The following ANKFN1 variants were observed in gnomAD, a reference collection of about 807,000 sequenced individuals.
The protein encoded by ANKFN1 is ankyrin repeat and fibronectin type III domain containing 1, also known as ankyrin repeat and fibronectin type-III domain-containing protein 1.
In ANKFN1, 74 loss-of-function variants were observed where a neutral mutation model predicts 108.7. That is an observed-to-expected ratio of 0.68 (90% confidence interval 0.56 to 0.83). The LOEUF (loss-of-function observed/expected upper bound fraction) is 0.83, where lower values mean the gene tolerates loss of function less well. Ranked by LOEUF, ANKFN1 falls within the 40% of genes least tolerant of loss-of-function variation. The pLI is 0.00. For synonymous variants in ANKFN1, 547 were observed against 516.2 expected, an observed-to-expected ratio of 1.06 and a Z score of -0.81; for missense variants, 1,505 against 1,382.3, an observed-to-expected ratio of 1.09 and a Z score of -1.41.
chr17:56,061,265 C>CCT (rs1904970049), intron 4 of ANKFN1, among the ~76,000 whole-genome samples: 3 of 72,914 alleles, frequency 4.1e-5, no homozygotes, highest in Non-Finnish European at 7.1e-5. Flanking sequence ...GGTAGTTTTT[C>CCT]TTTTTTTTTT....
At chr17:56,352,745 T>C (rs1215354206) in intron 5 of ANKFN1, among the ~76,000 whole-genome samples, 2 of 152,204 alleles carry the variant, frequency 1.3e-5, no homozygotes, top group Non-Finnish European at 2.9e-5. Context: ...ACACTACCAC[T>C]TGGACTCCTC....
At chr17:56,501,193 C>T (rs2051356705) in intron 20 of ANKFN1, among the ~76,000 whole-genome samples, 1 of 152,074 alleles carries the variant, frequency 6.6e-6, no homozygotes, top group African/African-American at 2.4e-5. Flanking sequence ...AAGGGCGGAT[C>T]GTGAGAGACA....
Position 56,229,772 on chromosome 17 carries a change from C to A in ANKFN1, c.53+1815C>A, listed in dbSNP as rs144048873. Among the ~76,000 whole-genome samples the A allele has an allele frequency of 2.5e-3, 369 of 147,718 alleles. 3 individuals carry two copies. Among genetic ancestry groups the A allele is most frequent in the African/African-American group, 6.4e-3 (255 of 40,052 alleles). ...CTTTTCACATTTTTTTTTTCTCAGA[C>A]ACATACAGGGTGCTTAGTGACCTAT... On this transcript the variant is annotated intron_variant, in intron 3 of 20. Coordinates refer to ENST00000682825, the MANE Select transcript of ANKFN1 (RefSeq NM_001370326.1).
chr17:56,270,338 A>G (rs961327147), intron 3 of ANKFN1, among the ~76,000 whole-genome samples: 11 of 152,222 alleles, frequency 7.2e-5, no homozygotes, highest in African/African-American at 2.7e-4. Flanking sequence ...AGCAAGAAAC[A>G]GACAAGGCTG....
At chr17:56,185,516 A>G (rs1199748516) in intron 1 of ANKFN1, among the ~76,000 whole-genome samples, 12 of 152,154 alleles carry the variant, frequency 7.9e-5, no homozygotes, top group Admixed American at 7.9e-4. Flanking sequence ...TGGTTGTTCC[A>G]AAAATGGCCT....
chr17:56,295,541 A>T (rs150355729), intron 3 of ANKFN1, among the ~76,000 whole-genome samples: 2 of 152,176 alleles, frequency 1.3e-5, no homozygotes, highest in Non-Finnish European at 2.9e-5. Context: ...ACACTGATAC[A>T]TGAAAACCAC....
chr17:56,180,962 T>C (rs1301800584), intron 1 of ANKFN1, among the ~76,000 whole-genome samples: 3 of 152,174 alleles, frequency 2.0e-5, no homozygotes, highest in African/African-American at 7.2e-5. Context: ...CTAGGTTCAT[T>C]AACTACAAAA....
chr17:56,293,294 A>T (rs1044962475), intron 3 of ANKFN1, among the ~76,000 whole-genome samples: 1 of 152,182 alleles, frequency 6.6e-6, no homozygotes, highest in African/African-American at 2.4e-5. Context: ...AAACATATTT[A>T]TCCTAATCTT....
chr17:56,467,779 GAAAGAA>G (rs1413087764), intron 15 of ANKFN1, among the ~76,000 whole-genome samples: 1 of 17,454 alleles, frequency 5.7e-5, no homozygotes, highest in African/African-American at 1.5e-4. Context: ...AAGAAAGAAA[GAAAGAA>G]AGAAAGAAGA....
chr17:56,142,581 G>A (rs1907992186), intron 4 of ANKFN1, among the ~76,000 whole-genome samples: 1 of 152,082 alleles, frequency 6.6e-6, no homozygotes, highest in African/African-American at 2.4e-5. Context: ...GGAAAATTCT[G>A]GCTCTAAAGA....
At chr17:56,388,550 T>C (rs959137518) in intron 8 of ANKFN1, among the ~76,000 whole-genome samples, 4 of 152,222 alleles carry the variant, frequency 2.6e-5, no homozygotes, top group Non-Finnish European at 5.9e-5. Context: ...TATATTTCTA[T>C]TTTTAATTGC....
At chr17:56,188,581 G>GTGTTTATATATA in intron 1 of ANKFN1, among the ~76,000 whole-genome samples, 1 of 49,652 alleles carries the variant, frequency 2.0e-5, no homozygotes, top group Admixed American at 2.8e-4. Flanking sequence ...GTGTGTGTGT[G>GTGTTTATATATA]TATATATATA....
chr17:56,080,143 G>A (rs958358368), intron 4 of ANKFN1, among the ~76,000 whole-genome samples: 1 of 152,146 alleles, frequency 6.6e-6, no homozygotes, highest in Admixed American at 6.5e-5. Flanking sequence ...ATGTTGATAT[G>A]GAAATGAGGG....
At chr17:56,132,827 C>T (rs1405466047) in intron 4 of ANKFN1, among the ~76,000 whole-genome samples, 1 of 152,002 alleles carries the variant, frequency 6.6e-6, no homozygotes, top group Non-Finnish European at 1.5e-5. Context: ...GGGCACTAAT[C>T]CTATGCATGA....
chr17:56,381,167 C>G (rs763366806), intron 8 of ANKFN1, among the ~76,000 whole-genome samples: 2 of 152,180 alleles, frequency 1.3e-5, no homozygotes, highest in Non-Finnish European at 2.9e-5. Context: ...TGCTGATACC[C>G]AGGCAGACAG....
intron 8 of ANKFN1, among the ~76,000 whole-genome samples, chr17:56,391,884 C>T (rs545254728): frequency 6.6e-6 from 1 of 152,182 alleles, no homozygotes; most frequent in Admixed American, 6.5e-5. Context: ...ATAGGACATA[C>T]CCATATATAA....
At chr17:56,094,799 C>T (rs1905502160) in intron 4 of ANKFN1, among the ~76,000 whole-genome samples, 1 of 150,192 alleles carries the variant, frequency 6.7e-6, no homozygotes, top group African/African-American at 2.4e-5. Flanking sequence ...GGATTACAGG[C>T]ATGAGCCATA....
intron 4 of ANKFN1, among the ~76,000 whole-genome samples, chr17:56,099,790 G>A (rs1293251636): frequency 6.6e-6 from 1 of 152,214 alleles, no homozygotes; most frequent in Non-Finnish European, 1.5e-5. Flanking sequence ...AATGATGGAG[G>A]TGGAAACTGT....
chr17:56,371,859 G>A (rs974435195), intron 6 of ANKFN1, among the ~76,000 whole-genome samples: 2 of 152,200 alleles, frequency 1.3e-5, no homozygotes, highest in Non-Finnish European at 2.9e-5. Context: ...TAAATCAAAT[G>A]AAGACTATCA....
Sources: allele counts gnomAD v4.1 joint callset (sites outside exome capture counted in the v4.1 genomes callset), GRCh38; gene constraint gnomAD v4.1.1; transcripts MANE v1.5; gene names NCBI Gene and HGNC (gene_info 2026-07-23, HGNC 2026-07-21).